Variants in FAM171A1 observed in about 807,000 individuals in gnomAD.
FAM171A1 encodes the protein protein FAM171A1.
In FAM171A1, 23 loss-of-function variants were observed where a neutral mutation model predicts 74.9. That is an observed-to-expected ratio of 0.31 (90% CI 0.22 to 0.44). FAM171A1 has a LOEUF of 0.44. Among genes scored for constraint, FAM171A1 ranks in the 20% least tolerant of loss-of-function variants. FAM171A1 has a pLI of 1.00. For synonymous variants in FAM171A1, 527 were observed against 505.7 expected (o/e 1.04, Z -0.57); for missense variants, 1,162 against 1,159.2 (o/e 1.00, Z -0.03).
chr10:15,346,214 G>C (rs1158878460), intron 1 of FAM171A1, among the ~76,000 whole-genome samples: 1 of 152,154 alleles, frequency 6.6e-6, no homozygotes, highest in African/African-American at 2.4e-5. Context: ...TCCTGCCTCA[G>C]CTTCCCAAGG....
At chr10:15,263,720 A>AATCTATCT (rs199543212) in intron 3 of FAM171A1, among the ~76,000 whole-genome samples, 1,642 of 140,382 alleles carry the variant, frequency 0.012, 17 homozygotes, top group Non-Finnish European at 0.016. Context: ...CTATCCTATC[A>AATCTATCT]ATCTATCTAT....
chr10:15,363,437 A>G (rs914581099), intron 1 of FAM171A1, among the ~76,000 whole-genome samples: 1 of 152,230 alleles, frequency 6.6e-6, no homozygotes, highest in East Asian at 1.9e-4. Flanking sequence ...ATGAATGAAT[A>G]CTATGTCTAA....
At chr10:15,310,803 G>A (rs1022449462) in intron 1 of FAM171A1, among the ~76,000 whole-genome samples, 1 of 151,682 alleles carries the variant, frequency 6.6e-6, no homozygotes, top group African/African-American at 2.4e-5. Flanking sequence ...AGAAGTCGCA[G>A]TGCATGACAG....
intron 3 of FAM171A1, among the ~76,000 whole-genome samples, chr10:15,265,314 G>C (rs1159809265): frequency 6.6e-6 from 1 of 151,838 alleles, no homozygotes; most frequent in Non-Finnish European, 1.5e-5. Context: ...TTAGCTTTCA[G>C]AACAAAGAAA....
At chr10:15,229,765 C>T (rs949720820) in intron 5 of FAM171A1, among the ~76,000 whole-genome samples, 1 of 53,390 alleles carries the variant, frequency 1.9e-5, no homozygotes, top group Non-Finnish European at 4.0e-5. Context: ...ACCATCACCA[C>T]CATCACCATC....
chr10:15,373,968 C>A (rs1201175033), upstream of FAM171A1, among the ~76,000 whole-genome samples: 9 of 152,056 alleles, frequency 5.9e-5, no homozygotes, highest in Non-Finnish European at 1.0e-4. Flanking sequence ...CTAAAGCCAT[C>A]GTTTTCAGTT....
chr10:15,287,184 C>G (rs193069875), intron 1 of FAM171A1, among the ~76,000 whole-genome samples: 1 of 150,600 alleles, frequency 6.6e-6, no homozygotes, highest in Admixed American at 6.6e-5. Context: ...CTTCGCCTCC[C>G]GGGTTCACGC....
At chr10:15,328,106 A>T (rs1835579821) in intron 1 of FAM171A1, among the ~76,000 whole-genome samples, 1 of 152,052 alleles carries the variant, frequency 6.6e-6, no homozygotes. Flanking sequence ...AAACCAAAAA[A>T]AAAAAAAACC....
At chr10:15,297,204 G>A (rs969235576) in intron 1 of FAM171A1, among the ~76,000 whole-genome samples, 1 of 151,860 alleles carries the variant, frequency 6.6e-6, no homozygotes, top group Non-Finnish European at 1.5e-5. Context: ...GATTACAGGA[G>A]CACACCACCA....
Position 15,214,071 on chromosome 10 carries a change from G to T in FAM171A1, c.1517C>A (p.Pro506Gln). 1 of 1,614,186 alleles carries T rather than the reference G, an allele frequency of 6.2e-7. No individual in the cohort carries two copies. Among genetic ancestry groups the T allele is most frequent in the African/African-American group, 1.3e-5 (1 of 75,044 alleles). The change falls in exon 8 of 8, where the codon CCA becomes CAA. Residue 506 changes from proline to glutamine, a missense_variant. By Grantham distance (76) the Pro-to-Gln change is moderately conservative. Transcript: ENST00000378116. ...GGTGAGTTTGCTTCCCGTGGAGGCT[G>T]GACCTTCTCTGTCCTGCTTTTCAAA... ...PLFEKQDREG[P>Q]ASTGSKLTIQ...
intron 3 of FAM171A1, among the ~76,000 whole-genome samples, chr10:15,265,164 A>T (rs1248432324): frequency 1.3e-5 from 2 of 152,136 alleles, no homozygotes; most frequent in Admixed American, 6.6e-5. Context: ...AACTACCTGA[A>T]TGTCTTACTC....
intron 1 of FAM171A1, among the ~76,000 whole-genome samples, chr10:15,351,651 G>A (rs1014975875): frequency 4.6e-5 from 7 of 151,746 alleles, no homozygotes; most frequent in African/African-American, 1.7e-4. Flanking sequence ...ATGGATGGAT[G>A]GATGCATGCA....
chr10:15,277,342 C>T (rs1370666581), intron 2 of FAM171A1, among the ~76,000 whole-genome samples: 2 of 152,012 alleles, frequency 1.3e-5, no homozygotes, highest in African/African-American at 2.4e-5. Context: ...CTCAGCCTCC[C>T]GAATAGCTGG....
At chr10:15,222,083 G>T (rs1834045582) in intron 5 of FAM171A1, among the ~76,000 whole-genome samples, 1 of 152,138 alleles carries the variant, frequency 6.6e-6, no homozygotes, top group African/African-American at 2.4e-5. Flanking sequence ...GGGAGAGGCT[G>T]GGCGAACCTC....
At chr10:15,239,627 C>T (rs1834338609) in intron 5 of FAM171A1, among the ~76,000 whole-genome samples, 1 of 152,138 alleles carries the variant, frequency 6.6e-6, no homozygotes, top group South Asian at 2.1e-4. Flanking sequence ...ACCCATTCCC[C>T]TCACATACAT....
chr10:15,358,409 C>A (rs1235267612), intron 1 of FAM171A1, among the ~76,000 whole-genome samples: 1 of 152,204 alleles, frequency 6.6e-6, no homozygotes, highest in Non-Finnish European at 1.5e-5. Context: ...AAAGGCATCT[C>A]ATTATGCTAT....
At chr10:15,326,475 C>T (rs61631174) in intron 1 of FAM171A1, among the ~76,000 whole-genome samples, 14,041 of 151,878 alleles carry the variant, frequency 0.092, 697 homozygotes, top group Middle Eastern at 0.11. Context: ...CCACTACTCC[C>T]GGCTAATTTC....
intron 5 of FAM171A1, among the ~76,000 whole-genome samples, chr10:15,236,599 T>G (rs1271292075): frequency 6.6e-6 from 1 of 152,170 alleles, no homozygotes; most frequent in Non-Finnish European, 1.5e-5. Context: ...TGTTCACGAA[T>G]GCTATCAGCT....
rs746738541 is a variant in FAM171A1 at position 15,213,004 on chromosome 10, C to A, written c.2584G>T (p.Asp862Tyr). Residue 862 changes from aspartate (D) to tyrosine (Y), a missense_variant, in exon 8 of 8, where the codon GAC becomes TAC. By Grantham distance (160) the Asp-to-Tyr change is radical (BLOSUM62 -3). Coordinates refer to ENST00000378116, the MANE Select transcript of FAM171A1 (RefSeq NM_001010924.2). The surrounding 1 kb of genome is among the most constrained non-coding windows in gnomAD (Gnocchi z 6.8). ...TCTCCTTGGTCATCATCATCATCGT[C>A]TTCCTCTTCCTCGTGGGCAGATCTT... Reference protein sequence around the residue: ...QRRSAHEEEEDDDDDDQGEDK... With the variant: ...QRRSAHEEEEYDDDDDQGEDK... 6.2e-7 allele frequency: 1 copy of A among 1,614,122 alleles called. No homozygotes were observed. The highest frequency in any genetic ancestry group is 1.1e-5 in the South Asian group (1 of 91,074).
Sources: gnomAD v4.1 joint callset for allele counts (sites outside exome capture counted in the v4.1 genomes callset) on GRCh38, gnomAD v4.1.1 for gene constraint, Gnocchi (gnomAD v3.1) non-coding constraint, MANE v1.5 for transcripts, NCBI Gene and HGNC (gene_info 2026-07-23, HGNC 2026-07-21) for gene names.